The following NR1H4 variants were observed in gnomAD, a reference collection of about 807,000 sequenced individuals.
NR1H4 encodes the protein nuclear receptor subfamily 1 group H member 4, also known as bile acid receptor.
Under a neutral mutation model 58.5 loss-of-function variants are expected in NR1H4, and 23 were observed. The observed-to-expected ratio is 0.39, with a 90% confidence interval of 0.28 to 0.56. NR1H4 has a LOEUF of 0.56. Ranked by LOEUF, NR1H4 falls within the 20% of genes least tolerant of loss-of-function variation. The pLI is 0.58. For synonymous variants in NR1H4, 214 were observed against 198.0 expected, an observed-to-expected ratio of 1.08 and a Z score of -0.68; for missense variants, 487 against 576.9, an observed-to-expected ratio of 0.84 and a Z score of 1.60.
At chr12:100,497,345 A>C (rs574207674) in intron 3 of NR1H4, among the ~76,000 whole-genome samples, 2 of 152,168 alleles carry the variant, frequency 1.3e-5, no homozygotes, top group Non-Finnish European at 2.9e-5. Context: ...TTGAAATGAC[A>C]GGTGGTCAGC....
At chr12:100,532,293 C>T (rs1334459763) in intron 4 of NR1H4, among the ~76,000 whole-genome samples, 165 bp from the exon 5 acceptor site, 4 of 152,222 alleles carry the variant, frequency 2.6e-5, no homozygotes, top group Non-Finnish European at 5.9e-5. Flanking sequence ...GGCTTCTCAA[C>T]AACACAATGT....
rs76723542 is a variant in NR1H4 at position 100,540,635 on chromosome 12, A to G, written c.932-37A>G. ...ATGATGGTGATCATGAAATATTGTT[A>G]CTCCTTGATACCAATTTGATTATCA... On this transcript the variant is annotated intron_variant, in intron 8 of 10. Coordinates refer to ENST00000392986, the MANE Select transcript of NR1H4 (RefSeq NM_001206979.2). 426 of 1,602,510 alleles carry G rather than the reference A, an allele frequency of 2.7e-4. 1 individual carries two copies. The African/African-American group carries it at 5.1e-3, about 19-fold the overall frequency.
chr12:100,493,292 TA>T lies in NR1H4; in HGVS notation c.-29del. On this transcript the variant is annotated 5_prime_UTR_variant, in exon 3 of 11. Coordinates refer to ENST00000392986, the MANE Select transcript of NR1H4 (RefSeq NM_001206979.2). The stretch of plus-strand genomic sequence containing the variant: ...CAGGAGTTTTTTTTGAAGACCACCA[TA>T]AAGAAAGTGCATTTCAATTGAAAAA... The T allele has an allele frequency of 9.0e-7, 1 of 1,111,382 alleles. No individual in the cohort carries two copies. The highest frequency in any genetic ancestry group is 1.4e-6 in the Non-Finnish European group (1 of 734,224). The allele number at this position is 1,111,382 out of a possible 1,614,324, so 68.8% of individuals were successfully genotyped here. A position where few individuals can be genotyped will look rare whatever the true frequency, so the allele number is the denominator to read the frequency against.
intron 9 of NR1H4, among the ~76,000 whole-genome samples, chr12:100,554,047 G>A (rs1955267648): frequency 6.6e-6 from 1 of 152,226 alleles, no homozygotes; most frequent in Non-Finnish European, 1.5e-5. Flanking sequence ...GGGCAGGGAG[G>A]GGGAAGGGAG....
chr12:100,534,385 A>T, intron 5 of NR1H4, among the ~76,000 whole-genome samples: 1 of 152,198 alleles, frequency 6.6e-6, no homozygotes, highest in East Asian at 1.9e-4. Context: ...GTTTATATGT[A>T]TTTAATGTGA....
chr12:100,496,180 C>T (rs1953711342), intron 3 of NR1H4, among the ~76,000 whole-genome samples: 1 of 152,106 alleles, frequency 6.6e-6, no homozygotes, highest in African/African-American at 2.4e-5. Context: ...CAGGCAAGAT[C>T]CTAGTAGAAA....
chr12:100,517,305 A>G (rs572630172), intron 4 of NR1H4, among the ~76,000 whole-genome samples: 1 of 152,090 alleles, frequency 6.6e-6, no homozygotes. Flanking sequence ...TGCTTGGCTT[A>G]TTTCATTTCA....
intron 4 of NR1H4, among the ~76,000 whole-genome samples, chr12:100,531,161 A>G (rs1457355164): frequency 6.6e-6 from 1 of 152,238 alleles, no homozygotes; most frequent in Non-Finnish European, 1.5e-5. Context: ...CCTCATCAAA[A>G]AAGTTCAGAT....
chr12:100,485,694 G>A (rs1019002503), intron 1 of NR1H4, among the ~76,000 whole-genome samples: 13 of 151,794 alleles, frequency 8.6e-5, no homozygotes, highest in Middle Eastern at 3.4e-3. Context: ...CACCACCCCC[G>A]GCTAATTTTT....
chr12:100,475,280 C>G (rs771675925), intron 1 of NR1H4, among the ~76,000 whole-genome samples: 13 of 152,056 alleles, frequency 8.5e-5, no homozygotes, highest in Non-Finnish European at 1.8e-4. Context: ...CTTTGTGTTA[C>G]GTTCCTACCC....
In NR1H4 at chr12:100,517,355, C is replaced by T. The variant is rs369703496; in HGVS notation, c.445+6212C>T. Among the ~76,000 whole-genome samples the T allele has an allele frequency of 1.6e-4, 24 of 152,284 alleles. No individual in the cohort carries two copies. The East Asian group carries it at 3.9e-3, about 25-fold the overall frequency. ...GGCTCATCCATGTTATCACAAATGGCAGGATTTCATTCTTTTTTATGGCTG... is the reference window on the plus strand; with the variant it reads ...GGCTCATCCATGTTATCACAAATGGTAGGATTTCATTCTTTTTTATGGCTG... On this transcript the variant is annotated intron_variant, in intron 4 of 10. Transcript: ENST00000392986.
intron 9 of NR1H4, among the ~76,000 whole-genome samples, chr12:100,542,977 G>T (rs1260658153): frequency 1.3e-5 from 2 of 152,092 alleles, no homozygotes; most frequent in East Asian, 3.9e-4. Flanking sequence ...AGTCTAATGG[G>T]AAGAGATTAA....
chr12:100,498,508 C>A (rs148808551), intron 3 of NR1H4, among the ~76,000 whole-genome samples: 2 of 151,792 alleles, frequency 1.3e-5, no homozygotes, highest in African/African-American at 4.8e-5. Flanking sequence ...CGTGGTGGCA[C>A]GTGCCTGTAA....
chr12:100,495,081 C>A (rs898335543), intron 3 of NR1H4, among the ~76,000 whole-genome samples: 1 of 152,112 alleles, frequency 6.6e-6, no homozygotes, highest in Non-Finnish European at 1.5e-5. Context: ...ACGAAGATGC[C>A]GTCAGGTTAG....
chr12:100,559,880 A>C (rs945694301), intron 9 of NR1H4, among the ~76,000 whole-genome samples: 2 of 152,196 alleles, frequency 1.3e-5, no homozygotes, highest in African/African-American at 4.8e-5. Context: ...CTTTATATCT[A>C]GCTCAGGGAT....
chr12:100,555,198 T>C (rs1955294679), intron 9 of NR1H4, among the ~76,000 whole-genome samples: 1 of 152,236 alleles, frequency 6.6e-6, no homozygotes, highest in Non-Finnish European at 1.5e-5. Flanking sequence ...TCAAATCAGC[T>C]GTCTTGAATA....
intron 9 of NR1H4, among the ~76,000 whole-genome samples, chr12:100,544,809 CA>C (rs1955021366): frequency 6.6e-6 from 1 of 152,106 alleles, no homozygotes; most frequent in South Asian, 2.1e-4. Context: ...AAGTAACCAA[CA>C]AAAAGTTGGT....
At chr12:100,524,039 A>G (rs1954493691) in intron 4 of NR1H4, among the ~76,000 whole-genome samples, 1 of 152,234 alleles carries the variant, frequency 6.6e-6, no homozygotes, top group Non-Finnish European at 1.5e-5. Context: ...AATGATTTCC[A>G]GGGAATATGA....
At chr12:100,549,190 T>G (rs143052912) in intron 9 of NR1H4, among the ~76,000 whole-genome samples, 29 of 152,124 alleles carry the variant, frequency 1.9e-4, no homozygotes, top group African/African-American at 6.5e-4. Flanking sequence ...TACAAAAAAT[T>G]AGCCGGGCAT....
Sources: gnomAD v4.1 joint callset for allele counts (sites outside exome capture counted in the v4.1 genomes callset) on GRCh38, gnomAD v4.1.1 for gene constraint, MANE v1.5 for transcripts, NCBI Gene and HGNC (gene_info 2026-07-23, HGNC 2026-07-21) for gene names.